ST7L: variants seen among roughly 807,000 people sequenced by gnomAD.
ST7L encodes the protein suppression of tumorigenicity 7 like.
A neutral mutation model predicts 72.5 loss-of-function variants in ST7L; 57 were observed. That is an observed-to-expected ratio of 0.79 (90% CI 0.64 to 0.98). ST7L has a LOEUF of 0.98. Among genes scored for constraint, ST7L ranks in the 50% least tolerant of loss-of-function variants. ST7L has a pLI of 0.00. For synonymous variants in ST7L, 221 were observed against 240.9 expected, an observed-to-expected ratio of 0.92 and a Z score of 0.77; for missense variants, 576 against 672.2, an observed-to-expected ratio of 0.86 and a Z score of 1.58.
chr1:112,591,478 TTGG>T, intron 6 of ST7L, 44 bp downstream of exon 6: 1 of 1,533,524 alleles, frequency 6.5e-7, no homozygotes, highest in South Asian at 1.2e-5. Flanking sequence ...ATCATTTGCC[TTGG>T]TTTCCTTCAA....
chr1:112,599,074 AT>A (rs1400976349), intron 4 of ST7L, among the ~76,000 whole-genome samples: 7,706 of 38,708 alleles, frequency 0.2, 1,052 homozygotes, highest in Non-Finnish European at 0.25. Flanking sequence ...AAAAAAAAAA[AT>A]ATATATATAT....
chr1:112,520,506 C>G (rs759851887), downstream of ST7L: 22 of 1,613,628 alleles, frequency 1.4e-5, no homozygotes, highest in Non-Finnish European at 1.8e-5. Flanking sequence ...TGGACCAAAC[C>G]TGAACACACA....
chr1:112,614,894 A>AATG (rs1669627574), intron 2 of ST7L, among the ~76,000 whole-genome samples: 1 of 152,244 alleles, frequency 6.6e-6, no homozygotes, highest in Non-Finnish European at 1.5e-5. Context: ...GTACACTAGT[A>AATG]AACATGACAT....
Position 112,525,833 on chromosome 1 carries a change from C to G in ST7L, c.*180G>C. On this transcript the variant is annotated 3_prime_UTR_variant, in exon 15 of 15. Transcript: ENST00000358039. ...CATCTACAGTTGTCCTTTTTGACAG[C>G]TTCCAAGGGGGGTTTGCCTAGGAAT... 1 of 743,488 alleles carries G rather than the reference C, an allele frequency of 1.3e-6. No homozygotes were observed. The highest frequency in any genetic ancestry group is 2.9e-5 in the South Asian group (1 of 34,222). 46.1% of individuals were successfully genotyped at this position (743,488 alleles called of 1,614,324 possible).
chr1:112,616,843 C>T lies in ST7L; in HGVS notation c.258G>A (p.Gly86=), dbSNP rs142398700. 1 of 1,606,796 alleles carries T rather than the reference C, an allele frequency of 6.2e-7. No individual in the cohort carries two copies. Among genetic ancestry groups the T allele is most frequent in the Admixed American group, 1.7e-5 (1 of 58,672 alleles). ...LTPKFYVALT[G]TSSLISGLIF... is the part of the protein sequence containing the mutation. ...TTAGTCCTGATATCAATGAAGAGGTCCCTGTAAGTGCCACATAGAATTTGG... is the reference window on the plus strand; with the variant it reads ...TTAGTCCTGATATCAATGAAGAGGTTCCTGTAAGTGCCACATAGAATTTGG... Residue 86 remains glycine (G), a synonymous_variant, in exon 2 of 15, where the codon GGG becomes GGA. Coordinates refer to ENST00000358039, the MANE Select transcript of ST7L (RefSeq NM_017744.5).
intron 13 of ST7L, among the ~76,000 whole-genome samples, chr1:112,547,835 A>G (rs539505654): frequency 6.1e-4 from 92 of 152,032 alleles, no homozygotes; most frequent in African/African-American, 2.0e-3. Flanking sequence ...AAGTGCTGGG[A>G]TTACAAACGT....
chr1:112,619,175 G>A (rs1670453136), upstream of ST7L: 2 of 1,523,032 alleles, frequency 1.3e-6, no homozygotes, highest in African/African-American at 1.4e-5. Context: ...CGGGAGTCGG[G>A]AATCCTGGGA....
chr1:112,553,821 A>G (rs2101583463), intron 12 of ST7L, among the ~76,000 whole-genome samples: 1 of 152,334 alleles, frequency 6.6e-6, no homozygotes, highest in East Asian at 1.9e-4. Flanking sequence ...TGAAACTGTG[A>G]ACTGTCTGGA....
intron 14 of ST7L, among the ~76,000 whole-genome samples, chr1:112,538,617 T>C (rs557485013): frequency 1.4e-4 from 21 of 152,192 alleles, no homozygotes; most frequent in Non-Finnish European, 2.9e-4. Flanking sequence ...AGTGCTGGGA[T>C]TACAAGCACG....
chr1:112,578,091 G>C (rs193205348), intron 10 of ST7L, among the ~76,000 whole-genome samples: 185 of 152,264 alleles, frequency 1.2e-3, no homozygotes, highest in Middle Eastern at 3.4e-3. Context: ...ACAGATGAAG[G>C]AGAGACTCAA....
At chr1:112,536,189 A>G (rs72993070) in intron 14 of ST7L, among the ~76,000 whole-genome samples, 4,609 of 152,268 alleles carry the variant, frequency 0.03, 255 homozygotes, top group African/African-American at 0.1. Context: ...GTTCTTACGA[A>G]CTAAAAAAGT....
chr1:112,598,678 T>C (rs1039193441), intron 4 of ST7L, among the ~76,000 whole-genome samples: 2 of 151,708 alleles, frequency 1.3e-5, no homozygotes, highest in South Asian at 2.1e-4. Context: ...AGCTAACATA[T>C]GAAATGTATA....
intron 12 of ST7L, among the ~76,000 whole-genome samples, chr1:112,551,138 C>CTTTTTTTTTTTTTTTTTTTTTTTT (rs567601091): frequency 1.3e-5 from 1 of 77,224 alleles, no homozygotes; most frequent in African/African-American, 6.3e-5. Context: ...ATGAGCAGAT[C>CTTTTTTTTTTTTTTTTTTTTTTTT]TTTTTTTTTT....
At chr1:112,543,788 G>T (rs1271503385) in intron 13 of ST7L, among the ~76,000 whole-genome samples, 2 of 141,490 alleles carry the variant, frequency 1.4e-5, no homozygotes, top group Non-Finnish European at 3.0e-5. Context: ...AGGATCGCTA[G>T]AACCTGAGAG....
intron 2 of ST7L, 146 bp from the exon 3 acceptor site, chr1:112,611,149 AT>A (rs1669007754): frequency 1.4e-6 from 1 of 715,182 alleles, no homozygotes; most frequent in Non-Finnish European, 2.2e-6. Context: ...CAAACACAAG[AT>A]TCACCAATAA....
intron 14 of ST7L, among the ~76,000 whole-genome samples, chr1:112,541,383 G>A (rs187671878): frequency 6.6e-6 from 1 of 152,166 alleles, no homozygotes; most frequent in East Asian, 1.9e-4. Flanking sequence ...AAAACTAAAG[G>A]GTAAAAATGA....
chr1:112,589,335 T>C (rs1425333643), intron 6 of ST7L, among the ~76,000 whole-genome samples: 3 of 152,136 alleles, frequency 2.0e-5, no homozygotes, highest in Non-Finnish European at 4.4e-5. Context: ...GTGATCCTTC[T>C]GCCTTGGCCT....
At position 112,555,981 on chromosome 1, in the gene ST7L, T is replaced by C. The variant is rs1181226519; in HGVS notation, c.1283A>G (p.Glu428Gly). 6.2e-7 allele frequency: 1 copy of C among 1,608,228 alleles called. No homozygotes were observed. Among genetic ancestry groups the C allele is most frequent in the South Asian group, 1.1e-5 (1 of 89,986 alleles). ...LEMKSLILPP[E>G]HILKRGDSEA... ...ACTATCACCCCGTTTCAGAATGTGT[T>C]CTGGAGGTAAAATTAAACTTTTCAT... The change falls in exon 12 of 15, where the codon GAA becomes GGA. Residue 428 changes from glutamate to glycine, a missense_variant. Physicochemically the swap from Glu to Gly is moderately conservative, Grantham distance 98. Around this residue, in one of 3 missense-constraint regions of ST7L, gnomAD observed 511 missense variants for 600.7 expected, o/e 0.85. Transcript: ENST00000358039.
At chr1:112,597,873 A>T in intron 5 of ST7L, 98 bp downstream of exon 5, 1 of 767,634 alleles carries the variant, frequency 1.3e-6, no homozygotes, top group Non-Finnish European at 1.9e-6. Context: ...CAAGCCAAAT[A>T]ACTAAATAAC....
Sources: gnomAD v4.1 joint callset for allele counts (sites outside exome capture counted in the v4.1 genomes callset) on GRCh38, gnomAD v4.1.1 for gene constraint, gnomAD v4.1.1 regional missense constraint, MANE v1.5 for transcripts, NCBI Gene and HGNC (gene_info 2026-07-23, HGNC 2026-07-21) for gene names.